Variants in TASP1 observed in about 807,000 individuals in gnomAD.
The protein encoded by TASP1 is threonine aspartase 1.
TASP1 carries 16 observed loss-of-function variants against 56.6 expected under a neutral mutation model. The observed-to-expected ratio is 0.28, with a 90% confidence interval of 0.19 to 0.43. The LOEUF is 0.43. Ranked by LOEUF, TASP1 falls within the 20% of genes least tolerant of loss-of-function variation. The pLI, the probability that TASP1 is intolerant of heterozygous loss-of-function variation, is 1.00. For synonymous variants in TASP1, 179 were observed against 184.2 expected, an observed-to-expected ratio of 0.97 and a Z score of 0.23; for missense variants, 393 against 511.6, an observed-to-expected ratio of 0.77 and a Z score of 2.24.
At chr20:13,228,289 A>G in the TASP1 span, among the ~76,000 whole-genome samples, 41 of 152,010 alleles carry the variant, frequency 2.7e-4, no homozygotes, top group African/African-American at 9.7e-4. Flanking sequence ...TGCTGCTTCA[A>G]TCTCATACTT....
chr20:13,565,967 G>A, intron 7 of TASP1, among the ~76,000 whole-genome samples: 1 of 152,150 alleles, frequency 6.6e-6, no homozygotes. Flanking sequence ...TGGATGAGTA[G>A]ATAAACAAAA....
chr20:13,582,666 T>C (rs917399249), intron 5 of TASP1, among the ~76,000 whole-genome samples: 1 of 152,166 alleles, frequency 6.6e-6, no homozygotes, highest in African/African-American at 2.4e-5. Flanking sequence ...CACTTTTGAA[T>C]TTAGGTATTT....
chr20:13,509,634 T>C (rs2044254987), intron 10 of TASP1, among the ~76,000 whole-genome samples: 1 of 152,176 alleles, frequency 6.6e-6, no homozygotes, highest in African/African-American at 2.4e-5. Context: ...CCTGTTTTTG[T>C]TTTTGTTTTT....
chr20:13,116,801 GT>G, the TASP1 span, among the ~76,000 whole-genome samples: 2 of 152,164 alleles, frequency 1.3e-5, no homozygotes, highest in African/African-American at 4.8e-5. Context: ...AAAAATGCAC[GT>G]TCTCAGCCCA....
At chr20:13,512,690 G>A (rs2044381123) in intron 10 of TASP1, among the ~76,000 whole-genome samples, 1 of 152,142 alleles carries the variant, frequency 6.6e-6, no homozygotes. Flanking sequence ...CCTATGTCCT[G>A]AATGGTATTG....
intron 10 of TASP1, among the ~76,000 whole-genome samples, chr20:13,509,586 ATC>A: frequency 6.6e-6 from 1 of 152,172 alleles, no homozygotes; most frequent in East Asian, 1.9e-4. Context: ...TGTCTGTGTC[ATC>A]TCTGATTTCT....
the TASP1 span, among the ~76,000 whole-genome samples, chr20:13,308,744 A>G: frequency 6.6e-6 from 1 of 152,208 alleles, no homozygotes; most frequent in African/African-American, 2.4e-5. Context: ...TGTTCCCCCA[A>G]AATTTAAATG....
chr20:13,606,661 G>T (rs1249109087), intron 4 of TASP1, among the ~76,000 whole-genome samples: 2 of 152,004 alleles, frequency 1.3e-5, no homozygotes, highest in Non-Finnish European at 2.9e-5. Context: ...CAAAAAATTA[G>T]CTGGGCGTGG....
At chr20:13,225,067 A>C in the TASP1 span, among the ~76,000 whole-genome samples, 6 of 149,838 alleles carry the variant, frequency 4.0e-5, no homozygotes, top group South Asian at 4.2e-4. Flanking sequence ...GTTAGCCAGG[A>C]TGGTCTCACT....
At chr20:13,302,032 TA>T in the TASP1 span, among the ~76,000 whole-genome samples, 21 of 152,258 alleles carry the variant, frequency 1.4e-4, no homozygotes, top group African/African-American at 5.1e-4. Flanking sequence ...AATAGGTAAG[TA>T]CTTGGTGTTT....
At chr20:13,574,419 A>G (rs1019547850) in intron 6 of TASP1, among the ~76,000 whole-genome samples, 7 of 152,238 alleles carry the variant, frequency 4.6e-5, no homozygotes, top group Non-Finnish European at 1.0e-4. Flanking sequence ...TAAAACTCAC[A>G]ATGTCTGAAA....
the TASP1 span, among the ~76,000 whole-genome samples, chr20:13,157,933 C>T: frequency 6.6e-6 from 1 of 152,228 alleles, no homozygotes; most frequent in African/African-American, 2.4e-5. Flanking sequence ...CTCCACATTT[C>T]CTACTATGCA....
the TASP1 span, chr20:13,164,523 A>G: frequency 1.8e-6 from 1 of 565,884 alleles, no homozygotes; most frequent in South Asian, 2.0e-5. Context: ...AATAAAATAA[A>G]CATTCATAGT....
chr20:13,478,753 G>A (rs1417286547), intron 11 of TASP1, among the ~76,000 whole-genome samples: 1 of 152,056 alleles, frequency 6.6e-6, no homozygotes, highest in Non-Finnish European at 1.5e-5. Flanking sequence ...AATTGTAAAT[G>A]TATGTTCCAA....
At chr20:13,145,773 T>C in the TASP1 span, among the ~76,000 whole-genome samples, 1 of 152,194 alleles carries the variant, frequency 6.6e-6, no homozygotes. Flanking sequence ...AACAGCATGA[T>C]ACTGGTAAGA....
At chr20:13,255,767 A>T in the TASP1 span, among the ~76,000 whole-genome samples, 1 of 152,184 alleles carries the variant, frequency 6.6e-6, no homozygotes, top group Non-Finnish European at 1.5e-5. Flanking sequence ...TCTTTGCACC[A>T]TGCACAAATT....
chr20:13,386,831 A>G (rs772415272), downstream of TASP1, among the ~76,000 whole-genome samples: 1 of 152,176 alleles, frequency 6.6e-6, no homozygotes, highest in Non-Finnish European at 1.5e-5. Flanking sequence ...ATTCTAACAT[A>G]TTGATATCCA....
At chr20:13,148,010 G>A in the TASP1 span, among the ~76,000 whole-genome samples, 1 of 152,182 alleles carries the variant, frequency 6.6e-6, no homozygotes, top group Non-Finnish European at 1.5e-5. Context: ...CTTTTGCTTA[G>A]GATTACGGGG....
chr20:13,152,523 T>C, the TASP1 span, among the ~76,000 whole-genome samples: 3 of 152,204 alleles, frequency 2.0e-5, no homozygotes, highest in Non-Finnish European at 4.4e-5. Context: ...CAGTGGCTTC[T>C]ATGTGAGTCA....
Sources: allele counts gnomAD v4.1 joint callset (sites outside exome capture counted in the v4.1 genomes callset), GRCh38; gene constraint gnomAD v4.1.1; transcripts MANE v1.5; gene names NCBI Gene and HGNC (gene_info 2026-07-23, HGNC 2026-07-21).